The following CADPS2 variants were observed in gnomAD, a reference collection of about 807,000 sequenced individuals.
CADPS2 encodes calcium dependent secretion activator 2.
In CADPS2, 93 loss-of-function variants were observed where a neutral mutation model predicts 172.5. That is an observed-to-expected ratio of 0.54 (90% confidence interval 0.46 to 0.64). CADPS2 has a LOEUF of 0.64. Ranked by LOEUF, CADPS2 falls within the 30% of genes least tolerant of loss-of-function variation. The pLI is 0.00. For synonymous variants in CADPS2, 546 were observed against 555.2 expected, an observed-to-expected ratio of 0.98 and a Z score of 0.23; for missense variants, 1,420 against 1,565.9, an observed-to-expected ratio of 0.91 and a Z score of 1.57.
rs372299800 is a variant in CADPS2 at position 122,571,104 on chromosome 7, A to T, written c.1335+10075T>A. Among the ~76,000 whole-genome samples, 63 of 152,200 alleles carry T rather than the reference A, an allele frequency of 4.1e-4. 1 individual carries two copies. In the South Asian group the frequency reaches 0.013, roughly 31 times the overall value. On this transcript the variant is annotated intron_variant, in intron 7 of 29. Coordinates refer to ENST00000449022, the MANE Select transcript of CADPS2 (RefSeq NM_017954.11). ...ACTGAGAGAAAAGTATTTATATCAC[A>T]CTCTCATAAAGAAGGTATAAATAAT...
intron 2 of CADPS2, among the ~76,000 whole-genome samples, chr7:122,668,984 T>C (rs971938951): frequency 2.0e-5 from 3 of 152,200 alleles, no homozygotes; most frequent in African/African-American, 4.8e-5. Flanking sequence ...TTTGTTTTGT[T>C]TGCTAATAAA....
chr7:122,391,532 C>A (rs1423086772), intron 22 of CADPS2, among the ~76,000 whole-genome samples: 1 of 151,884 alleles, frequency 6.6e-6, no homozygotes, highest in Non-Finnish European at 1.5e-5. Context: ...ACAAAAAAAT[C>A]ATACACTTAG....
At chr7:122,765,978 A>G (rs1227381046) in intron 1 of CADPS2, among the ~76,000 whole-genome samples, 1 of 152,110 alleles carries the variant, frequency 6.6e-6, no homozygotes, top group Non-Finnish European at 1.5e-5. Context: ...ACACTGGGTA[A>G]TACATAAAGG....
intron 8 of CADPS2, among the ~76,000 whole-genome samples, chr7:122,526,300 T>C (rs2061230567): frequency 6.6e-6 from 1 of 152,096 alleles, no homozygotes; most frequent in Non-Finnish European, 1.5e-5. Flanking sequence ...CAAGTAATTC[T>C]CATGCCTCAG....
At chr7:122,702,967 C>A (rs1268642765) in intron 2 of CADPS2, 2 of 480,942 alleles carry the variant, frequency 4.2e-6, no homozygotes, top group Non-Finnish European at 7.3e-6. Flanking sequence ...GTGATTGGTA[C>A]CATGTGATTT....
At chr7:122,529,485 T>A (rs1299784917) in intron 8 of CADPS2, among the ~76,000 whole-genome samples, 1 of 152,004 alleles carries the variant, frequency 6.6e-6, no homozygotes, top group Non-Finnish European at 1.5e-5. Context: ...ATCTGTTACA[T>A]GAACTTGTAG....
intron 2 of CADPS2, among the ~76,000 whole-genome samples, chr7:122,669,370 G>A (rs867496174): frequency 1.1e-4 from 16 of 146,212 alleles, no homozygotes; most frequent in South Asian, 2.2e-4. Context: ...TTTTTTTTGA[G>A]AAAAAGTAAT....
At chr7:122,415,582 G>A (rs1249291894) in intron 18 of CADPS2, among the ~76,000 whole-genome samples, 4 of 135,600 alleles carry the variant, frequency 2.9e-5, no homozygotes, top group Admixed American at 8.1e-5. Context: ...TATTACCAAC[G>A]AGACAGCAAA....
At chr7:122,620,843 A>T (rs775474604) in intron 5 of CADPS2, among the ~76,000 whole-genome samples, 1 of 152,184 alleles carries the variant, frequency 6.6e-6, no homozygotes, top group Admixed American at 6.6e-5. Context: ...AAAGAATTCA[A>T]TTATATGTTG....
intron 25 of CADPS2, among the ~76,000 whole-genome samples, chr7:122,364,020 C>T (rs535457965): frequency 2.0e-5 from 3 of 152,264 alleles, no homozygotes; most frequent in Non-Finnish European, 4.4e-5. Flanking sequence ...AGGCTTTAAA[C>T]ACAGGTGGTC....
At chr7:122,645,516 A>ATATATATAAGTATATATATATACT (rs1563950574) in intron 3 of CADPS2, among the ~76,000 whole-genome samples, 9 of 29,360 alleles carry the variant, frequency 3.1e-4, no homozygotes, top group Non-Finnish European at 5.8e-4. Context: ...ATATATACTT[A>ATATATATAAGTATATATATATACT]TATATATATA....
chr7:122,327,213 G>T (rs1026546539), intron 28 of CADPS2, among the ~76,000 whole-genome samples: 1 of 151,806 alleles, frequency 6.6e-6, no homozygotes, highest in Non-Finnish European at 1.5e-5. Flanking sequence ...TTTAATTTCC[G>T]ACACTAAATT....
At chr7:122,825,085 A>C (rs1354899116) in intron 1 of CADPS2, among the ~76,000 whole-genome samples, 1 of 152,218 alleles carries the variant, frequency 6.6e-6, no homozygotes, top group Non-Finnish European at 1.5e-5. Context: ...AGGTTGAAAA[A>C]TAAATAGCAA....
chr7:122,768,966 A>G (rs1481156152), intron 1 of CADPS2, among the ~76,000 whole-genome samples: 1 of 150,726 alleles, frequency 6.6e-6, no homozygotes, highest in Non-Finnish European at 1.5e-5. Context: ...GAAAAAAAAA[A>G]AGAAAGAAAC....
At chr7:122,325,877 T>C (rs542146137) in intron 28 of CADPS2, among the ~76,000 whole-genome samples, 81 of 152,068 alleles carry the variant, frequency 5.3e-4, no homozygotes, top group Non-Finnish European at 1.0e-3. Flanking sequence ...GCCTGCTTTG[T>C]AATTTGTAAA....
At chr7:122,835,272 A>C (rs558962839) in intron 1 of CADPS2, among the ~76,000 whole-genome samples, 244 of 152,252 alleles carry the variant, frequency 1.6e-3, no homozygotes, top group Non-Finnish European at 2.1e-3. Flanking sequence ...TCCACACCAA[A>C]ACCCCACCTG....
chr7:122,867,248 G>T (rs575258401), intron 1 of CADPS2, among the ~76,000 whole-genome samples: 4 of 152,110 alleles, frequency 2.6e-5, no homozygotes, highest in Non-Finnish European at 5.9e-5. Context: ...TAGAATATAA[G>T]CTTCAAAAGG....
chr7:122,478,867 A>G (rs2189602), intron 12 of CADPS2, among the ~76,000 whole-genome samples: 109,401 of 152,010 alleles, frequency 0.72, 40,262 homozygotes, highest in East Asian at 0.97. Context: ...GAATAGTGCC[A>G]CAATAAACAC....
In CADPS2 at chr7:122,387,146, T is replaced by C. The variant is rs775457034; in HGVS notation, c.3192A>G (p.Leu1064=). The stretch of plus-strand genomic sequence containing the variant: ...AGTCAGTTGTTTTGCTTGCCTTTTG[T>C]AGCTTGAGTTCAAATGCAGTTCTTG... The part of the protein sequence containing the change: ...KRTRTAFELK[L]QKASKTTDLR... Residue 1064 remains leucine (L), a synonymous_variant, in exon 24 of 30, where the codon CTA becomes CTG. Transcript: ENST00000449022. 1.8e-5 allele frequency: 28 copies of C among 1,580,440 alleles called. No individual in the cohort carries two copies. The highest frequency in any genetic ancestry group is 8.1e-5 in the African/African-American group (6 of 74,376).
Sources: allele counts gnomAD v4.1 joint callset (sites outside exome capture counted in the v4.1 genomes callset), GRCh38; gene constraint gnomAD v4.1.1; transcripts MANE v1.5; gene names NCBI Gene and HGNC (gene_info 2026-07-23, HGNC 2026-07-21).